C8orf76: variants seen among roughly 807,000 people sequenced by gnomAD.
C8orf76 encodes uncharacterized protein C8orf76.
A neutral mutation model predicts 38.1 loss-of-function variants in C8orf76; 46 were observed. That is an observed-to-expected ratio of 1.21 (90% CI 0.95 to 1.54). C8orf76 has a LOEUF of 1.54. C8orf76 is among the 40% of genes most tolerant of loss of function. C8orf76 has a pLI of 0.00. For synonymous variants in C8orf76, 166 were observed against 167.5 expected (o/e 0.99, Z 0.07); for missense variants, 461 against 441.6 (o/e 1.04, Z -0.39).
At chr8:123,225,598 A>G (rs1209208439) in intron 5 of C8orf76, among the ~76,000 whole-genome samples, 2 of 152,214 alleles carry the variant, frequency 1.3e-5, no homozygotes, top group African/African-American at 2.4e-5. Flanking sequence ...GTTAAGAAAC[A>G]CAGGAGAAAA....
chr8:123,226,207 C>CATTT lies in C8orf76; in HGVS notation c.948+289_948+292dup, dbSNP rs1267861423. The stretch of plus-strand genomic sequence containing the variant: ...ACACAAATGTAAGCATTCATTCATT[C>CATTT]ATTTATTCAGCACTGAAACAAACAA... On this transcript the variant is annotated intron_variant, in intron 5 of 5. Transcript: ENST00000276704. 9.3e-5 allele frequency: 114 copies of CATTT among 1,222,844 alleles called. No individual in the cohort carries two copies. The African/African-American group carries it at 1.7e-3, about 18-fold the overall frequency. 75.7% of individuals were successfully genotyped at this position (1,222,844 alleles called of 1,614,324 possible). A position where few individuals can be genotyped will look rare whatever the true frequency, so the allele number is the denominator to read the frequency against.
Position 123,237,135 on chromosome 8 carries a change from C to T in C8orf76, c.357+663G>A, listed in dbSNP as rs551470877. On this transcript the variant is annotated intron_variant, in intron 3 of 5. Transcript: ENST00000276704. The stretch of plus-strand genomic sequence containing the variant: ...AAGATGATCTGCCGCAAGTGCTGTG[C>T]CCGCCTGCACCACCCCGTGCTGTCA... The T allele has an allele frequency of 1.3e-4, 110 of 829,824 alleles. No individual in the cohort carries two copies. In the African/African-American group the frequency reaches 1.7e-3, roughly 13 times the overall value. The allele number at this position is 829,824 out of a possible 1,614,324, so 51.4% of individuals were successfully genotyped here.
intron 5 of C8orf76, chr8:123,226,196 A>G (rs1825038145): frequency 4.2e-6 from 5 of 1,193,194 alleles, no homozygotes; most frequent in Non-Finnish European, 4.2e-6. Flanking sequence ...AAATGTAAGC[A>G]TTCATTCATT....
In C8orf76 at chr8:123,231,712, G is replaced by A; in HGVS notation, c.403C>T (p.Leu135Phe). ...AAACTTGAACAAATAGCAAGCTGGA[G>A]GTAGAGTACCGTGGTTAAATGGTCT... ...NTDHLTTVLY[L>F]QLAICSSLQN... The change falls in exon 4 of 6, where the codon CTC becomes TTC. Residue 135 changes from leucine to phenylalanine, a missense_variant. Coordinates refer to ENST00000276704, the MANE Select transcript of C8orf76 (RefSeq NM_032847.3). 1 of 1,612,242 alleles carries A rather than the reference G, an allele frequency of 6.2e-7. No individual in the cohort carries two copies. The highest frequency in any genetic ancestry group is 8.5e-7 in the Non-Finnish European group (1 of 1,180,022).
intron 3 of C8orf76, 53 bp downstream of exon 3, chr8:123,237,745 A>G: frequency 6.5e-7 from 1 of 1,545,346 alleles, no homozygotes; most frequent in Non-Finnish European, 8.7e-7. Context: ...AAAATACACC[A>G]TTCGACCACC....
chr8:123,223,777 G>A (rs1044829742), intron 5 of C8orf76, among the ~76,000 whole-genome samples: 1 of 152,188 alleles, frequency 6.6e-6, no homozygotes, highest in Middle Eastern at 3.2e-3. Context: ...TTTAGCCATA[G>A]AAGGTATGAA....
Position 123,220,067 on chromosome 8 carries a change from G to A in C8orf76, c.*36C>T. On this transcript the variant is annotated 3_prime_UTR_variant, in exon 6 of 6. Transcript: ENST00000276704. The stretch of plus-strand genomic sequence containing the variant: ...GAAGTAAACAAGGACAATTAATACA[G>A]TACAAGATATTTGTGGTTTTGTTTT... The A allele has an allele frequency of 7.7e-7, 1 of 1,302,524 alleles. No individual in the cohort carries two copies. Among genetic ancestry groups the A allele is most frequent in the Non-Finnish European group, 1.1e-6 (1 of 921,296 alleles). 80.7% of individuals were successfully genotyped at this position (1,302,524 alleles called of 1,614,324 possible). A position where few individuals can be genotyped will look rare whatever the true frequency, so the allele number is the denominator to read the frequency against.
intron 3 of C8orf76, among the ~76,000 whole-genome samples, chr8:123,234,725 C>T (rs1442737100): frequency 6.6e-6 from 1 of 151,696 alleles, no homozygotes; most frequent in Non-Finnish European, 1.5e-5. Flanking sequence ...GCCAAGATCG[C>T]GCCACTGCAC....
intron 1 of C8orf76, 24 bp from the exon 2 acceptor site, chr8:123,239,168 T>C (rs1563802871): frequency 6.2e-7 from 1 of 1,608,572 alleles, no homozygotes; most frequent in East Asian, 2.2e-5. Flanking sequence ...AAATAGCCTA[T>C]TACAGAGTGA....
intron 4 of C8orf76, among the ~76,000 whole-genome samples, chr8:123,228,998 G>A (rs936197832): frequency 6.6e-6 from 1 of 152,206 alleles, no homozygotes; most frequent in Non-Finnish European, 1.5e-5. Flanking sequence ...AATTGACTAA[G>A]TTCTTCAAAA....
intron 3 of C8orf76, among the ~76,000 whole-genome samples, chr8:123,235,945 A>G (rs1360021899): frequency 2.0e-5 from 3 of 152,228 alleles, no homozygotes; most frequent in African/African-American, 7.2e-5. Context: ...CGGACTGGGG[A>G]AGACTAGAAA....
At chr8:123,226,917 G>A (rs759912502) in intron 4 of C8orf76, among the ~76,000 whole-genome samples, 17 of 152,152 alleles carry the variant, frequency 1.1e-4, no homozygotes, top group Non-Finnish European at 2.4e-4. Flanking sequence ...AAGAGCTTCC[G>A]GCCTCAAAAG....
intron 3 of C8orf76, among the ~76,000 whole-genome samples, chr8:123,234,723 C>A (rs1825397141): frequency 6.6e-6 from 1 of 151,818 alleles, no homozygotes; most frequent in Non-Finnish European, 1.5e-5. Flanking sequence ...GAGCCAAGAT[C>A]GCGCCACTGC....
chr8:123,227,810 TGGGAAGCCATCC>T (rs1825101134), intron 4 of C8orf76, among the ~76,000 whole-genome samples: 1 of 152,120 alleles, frequency 6.6e-6, no homozygotes, highest in Admixed American at 6.5e-5. Flanking sequence ...GTAAGTGCAA[TGGGAAGCCATCC>T]GGGCGTTTCA....
At chr8:123,238,466 C>T (rs1461567613) in intron 2 of C8orf76, 1 of 152,952 alleles carries the variant, frequency 6.5e-6, no homozygotes, top group Non-Finnish European at 1.5e-5. Flanking sequence ...TGGACTAATA[C>T]ATCTAGTCAA....
chr8:123,226,685 T>G lies in C8orf76; in HGVS notation c.816-53A>C. On this transcript the variant is annotated intron_variant, in intron 4 of 5. Coordinates refer to ENST00000276704, the MANE Select transcript of C8orf76 (RefSeq NM_032847.3). ...GGCGAAAAGTCCCAACGCTTCCAGA[T>G]AAAGGAAAGCCGCGAGGAAATGTTC... The G allele has an allele frequency of 3.9e-6, 6 of 1,536,986 alleles. No individual in the cohort carries two copies. In the South Asian group the frequency reaches 7.6e-5, roughly 20 times the overall value.
At chr8:123,234,058 T>C (rs1014206151) in intron 3 of C8orf76, among the ~76,000 whole-genome samples, 4 of 148,978 alleles carry the variant, frequency 2.7e-5, no homozygotes, top group East Asian at 2.0e-4. Context: ...TTTAAATGAG[T>C]GAGTGATTTT....
At chr8:123,239,256 A>C (rs113938791) in intron 1 of C8orf76, 112 bp from the exon 2 acceptor site, 17 of 1,178,256 alleles carry the variant, frequency 1.4e-5, no homozygotes, top group African/African-American at 7.7e-5. Flanking sequence ...GACTTCTTCA[A>C]GAGTCTGGCC....
chr8:123,226,297 C>T (rs1016893914), intron 5 of C8orf76: 5 of 1,399,320 alleles, frequency 3.6e-6, no homozygotes, highest in Admixed American at 3.6e-5. Context: ...ACATGAAACA[C>T]AGCCCCTGCG....
Sources: gnomAD v4.1 joint callset for allele counts (sites outside exome capture counted in the v4.1 genomes callset) on GRCh38, gnomAD v4.1.1 for gene constraint, MANE v1.5 for transcripts, NCBI Gene and HGNC (gene_info 2026-07-23, HGNC 2026-07-21) for gene names.